Variants in NEB observed in about 807,000 individuals in gnomAD.
NEB encodes nemaline myopathy type 2.
In NEB, 512 loss-of-function variants were observed where a neutral mutation model predicts 952.2. The ratio of observed to expected loss-of-function variants is 0.54; its 90% CI spans 0.50 to 0.58. The LOEUF (loss-of-function observed/expected upper bound fraction) is 0.58, where lower values mean the gene tolerates loss of function less well. Among genes scored for constraint, NEB ranks in the 20% least tolerant of loss-of-function variants. The pLI is 0.00. For synonymous variants in NEB, 2,900 were observed against 3,149.8 expected (o/e 0.92, Z 2.66); for missense variants, 8,428 against 9,231.1 (o/e 0.91, Z 3.56).
chr2:151,493,191 G>A, intron 176 of NEB, 162 bp downstream of exon 176: 2 of 584,930 alleles, frequency 3.4e-6, no homozygotes, highest in Non-Finnish European at 5.9e-6. Flanking sequence ...TTGAATAAGT[G>A]CAAATTTTTA....
chr2:151,670,678 C>G (rs904257005), intron 38 of NEB, among the ~76,000 whole-genome samples: 1 of 152,146 alleles, frequency 6.6e-6, no homozygotes, highest in African/African-American at 2.4e-5. Flanking sequence ...AATATTGCAA[C>G]CAAGAGCAAT....
intron 7 of NEB, 82 bp downstream of exon 7, chr2:151,724,775 C>T: frequency 8.6e-7 from 1 of 1,162,474 alleles, no homozygotes; most frequent in Non-Finnish European, 1.3e-6. Flanking sequence ...AGGATCAGGC[C>T]TGTCCAATTT....
chr2:151,643,667 A>G, intron 57 of NEB, 151 bp downstream of exon 57: 2 of 1,305,418 alleles, frequency 1.5e-6, no homozygotes, highest in Non-Finnish European at 2.1e-6. Context: ...TCTTTGTGGA[A>G]TAATGGTGCC....
At chr2:151,677,523 C>A (rs535170041) in intron 34 of NEB, 42 bp downstream of exon 34, 1 of 1,433,122 alleles carries the variant, frequency 7.0e-7, no homozygotes, top group Non-Finnish European at 9.4e-7. Flanking sequence ...TTCTAAAAAG[C>A]TTCCTCCATA....
intron 34 of NEB, among the ~76,000 whole-genome samples, chr2:151,676,621 A>G (rs564164306): frequency 2.3e-4 from 35 of 152,008 alleles, no homozygotes; most frequent in Non-Finnish European, 4.4e-4. Flanking sequence ...TACTGCTGTT[A>G]TATTGTTCAT....
At chr2:151,507,749 G>T (rs894675399) in intron 162 of NEB, 5 of 415,600 alleles carry the variant, frequency 1.2e-5, no homozygotes, top group African/African-American at 9.9e-5. Flanking sequence ...CATGAACCTT[G>T]CCATGGGTGA....
In NEB at chr2:151,536,151, G is replaced by A. The variant is rs139046315; in HGVS notation, c.21208-356C>T. ...TCAAACTCCTGGGCTCAGGCTATCC[G>A]CCTGCCTTGGCCTCCCAAGTGCTGG... On this transcript the variant is annotated intron_variant, in intron 141 of 181. Coordinates refer to ENST00000397345, the MANE Select transcript of NEB (RefSeq NM_001164508.2). Among the ~76,000 whole-genome samples the A allele has an allele frequency of 2.4e-3, 363 of 152,184 alleles. 9 individuals are homozygous for A. In the East Asian group the frequency reaches 0.047, roughly 20 times the overall value.
At chr2:151,640,795 A>G in intron 60 of NEB, 129 bp from the exon 61 acceptor site, 1 of 822,340 alleles carries the variant, frequency 1.2e-6, no homozygotes, top group Non-Finnish European at 1.8e-6. Flanking sequence ...ATAGATGTAG[A>G]AACAATTTAG....
intron 106 of NEB, 73 bp from the exon 107 acceptor site, chr2:151,575,872 A>C (rs2096810398): frequency 9.0e-7 from 1 of 1,107,062 alleles, no homozygotes; most frequent in South Asian, 1.3e-5. Context: ...GCAACTTTTA[A>C]ATTTTCTTTT....
chr2:151,485,943 G>C lies in NEB; in HGVS notation c.25405-10C>G, dbSNP rs752707527. On this transcript the variant is annotated splice_polypyrimidine_tract_variant and intron_variant, in intron 181 of 181. Transcript: ENST00000397345. ...TGGCACGGAAGATTTTCTATTCGTG[G>C]GGATGGAAAAGGGGAAATATTATAT... 1.2e-6 allele frequency: 2 copies of C among 1,612,852 alleles called. No individual in the cohort carries two copies. Among genetic ancestry groups the C allele is most frequent in the Admixed American group, 3.3e-5 (2 of 59,998 alleles).
Position 151,506,216 on chromosome 2 carries a change from T to G in NEB, c.23599A>C (p.Lys7867Gln), listed in dbSNP as rs118191309. The G allele has an allele frequency of 1.6e-3, 2,609 of 1,613,806 alleles. 38 individuals are homozygous for G. In the East Asian group the frequency reaches 0.032, roughly 20 times the overall value. The change falls in exon 164 of 182, where the codon AAG (lysine) becomes CAG (glutamine). Residue 7867 changes from lysine (K) to glutamine (Q), a missense_variant. Lys to Gln is a moderately conservative substitution (Grantham distance 53). Transcript: ENST00000397345. ...EDVSPGTAIGKTPEMMRVKQT... is the reference protein window; with the variant it reads ...EDVSPGTAIGQTPEMMRVKQT... ...TTCACTCTCATCATCTCAGGTGTCT[T>G]TCCGATAGCCGTTCCTGGTGAGACA...
At chr2:151,626,979 T>C (rs1449365770) in intron 70 of NEB, 23 bp downstream of exon 70, 1 of 1,612,212 alleles carries the variant, frequency 6.2e-7, no homozygotes. Flanking sequence ...CCTGTCTTAT[T>C]TTCCTACAAA....
chr2:151,650,652 G>C lies in NEB; in HGVS notation c.7149C>G (p.Asn2383Lys), dbSNP rs1385071445. Reference protein sequence around the residue: ...QELVSDVDYKNYLHQWTCLPD... With the variant: ...QELVSDVDYKKYLHQWTCLPD... ...GCAGACATGTCCACTGATGCAGGTA[G>C]TTCTTGTAGTCCACGTCACTAACCA... The change falls in exon 53 of 182, where the codon AAC (asparagine) becomes AAG (lysine). Residue 2383 changes from asparagine to lysine, a missense_variant. Physicochemically the swap from Asn to Lys is moderately conservative, Grantham distance 94. Transcript: ENST00000397345. 2.5e-6 allele frequency: 4 copies of C among 1,613,318 alleles called. No homozygotes were observed. The African/African-American group carries it at 5.3e-5, about 22-fold the overall frequency.
chr2:151,619,865 A>G, intron 72 of NEB, 103 bp from the exon 73 acceptor site: 3 of 1,229,808 alleles, frequency 2.4e-6, no homozygotes, highest in Non-Finnish European at 3.4e-6. Context: ...GCAACAGAGG[A>G]GTTTCACTGG....
At chr2:151,524,828 C>T (rs569401630) in intron 151 of NEB, among the ~76,000 whole-genome samples, 2 of 151,480 alleles carry the variant, frequency 1.3e-5, no homozygotes, top group East Asian at 1.9e-4. Context: ...CCACCATGCC[C>T]GGCTGATTTT....
Position 151,694,683 on chromosome 2 carries a change from C to T in NEB, c.1675-54G>A, listed in dbSNP as rs1022708116. On this transcript the variant is annotated intron_variant, in intron 18 of 181. Transcript: ENST00000397345. Reference sequence around the variant, plus strand: ...GGCAAAAGTGATATGCATGTCACGACCTTTAAAGACTAGTGGGTAACTAAA... The same window carrying T: ...GGCAAAAGTGATATGCATGTCACGATCTTTAAAGACTAGTGGGTAACTAAA... The T allele has an allele frequency of 1.2e-5, 16 of 1,365,684 alleles. No individual in the cohort carries two copies. The African/African-American group carries it at 2.3e-4, about 20-fold the overall frequency. 84.6% of individuals were successfully genotyped at this position (1,365,684 alleles called of 1,614,324 possible).
intron 179 of NEB, chr2:151,491,390 T>G: frequency 3.5e-6 from 1 of 283,430 alleles, no homozygotes; most frequent in South Asian, 4.2e-5. Flanking sequence ...GTATTTTATG[T>G]ATTTTCATTA....
intron 128 of NEB, 23 bp downstream of exon 128, chr2:151,552,649 T>G (rs1450123912): frequency 6.4e-7 from 1 of 1,566,332 alleles, no homozygotes; most frequent in Admixed American, 1.7e-5. Context: ...ACTGTCCACT[T>G]AACTTCCCCA....
At chr2:151,517,630 C>T (rs1575857901) in intron 156 of NEB, among the ~76,000 whole-genome samples, 1 of 152,172 alleles carries the variant, frequency 6.6e-6, no homozygotes, top group African/African-American at 2.4e-5. Context: ...TAGCCTACTA[C>T]ACACCTAGGC....
Sources: gnomAD v4.1 joint callset for allele counts (sites outside exome capture counted in the v4.1 genomes callset) on GRCh38, gnomAD v4.1.1 for gene constraint, MANE v1.5 for transcripts, NCBI Gene and HGNC (gene_info 2026-07-23, HGNC 2026-07-21) for gene names.